Variants in MGAT4A observed in about 807,000 individuals in gnomAD.
The protein encoded by MGAT4A is alpha-1,3-mannosyl-glycoprotein 4-beta-N-acetylglucosaminyltransferase A, also known as N-acetylglucosaminyltransferase IVa.
Under a neutral mutation model 74.1 loss-of-function variants are expected in MGAT4A, and 33 were observed. The observed-to-expected ratio is 0.45, with a 90% CI of 0.34 to 0.60. The LOEUF is 0.60. Among genes scored for constraint, MGAT4A ranks in the 20% least tolerant of loss-of-function variants. MGAT4A has a pLI of 0.02. For synonymous variants in MGAT4A, 198 were observed against 210.4 expected (o/e 0.94, Z 0.51); for missense variants, 479 against 628.3 (o/e 0.76, Z 2.54).
chr2:98,643,986 T>C lies in MGAT4A; in HGVS notation c.957A>G (p.Lys319=). 1 of 1,601,790 alleles carries C rather than the reference T, an allele frequency of 6.2e-7. No homozygotes were observed. The highest frequency in any genetic ancestry group is 8.5e-7 in the Non-Finnish European group (1 of 1,171,566). ...VEFIFMFYKE[K]PIDWLLDHIL... ...TATGGTCCAGGAGCCAATCAATGGGTTTCTCCTTGTAAAACATGAATATGA... is the reference window on the plus strand; with the variant it reads ...TATGGTCCAGGAGCCAATCAATGGGCTTCTCCTTGTAAAACATGAATATGA... Residue 319 remains lysine, a synonymous_variant, in exon 10 of 16, where the codon AAA becomes AAG. Coordinates refer to ENST00000393487, the MANE Select transcript of MGAT4A (RefSeq NM_012214.3).
At chr2:98,628,637 G>A (rs572956298) in intron 14 of MGAT4A, among the ~76,000 whole-genome samples, 61 of 152,252 alleles carry the variant, frequency 4.0e-4, no homozygotes, top group South Asian at 1.7e-3. Context: ...GCCTAATAAC[G>A]TACAGCTCTC....
intron 2 of MGAT4A, among the ~76,000 whole-genome samples, chr2:98,716,707 G>C (rs1019834194): frequency 1.3e-5 from 2 of 152,130 alleles, no homozygotes; most frequent in African/African-American, 4.8e-5. Context: ...GCTATCCATG[G>C]GGGATAGGTT....
In MGAT4A at chr2:98,622,265, C is replaced by T; in HGVS notation, c.*3301G>A. The T allele has an allele frequency of 1.0e-6, 1 of 985,416 alleles. No individual in the cohort carries two copies. The highest frequency in any genetic ancestry group is 1.2e-6 in the Non-Finnish European group (1 of 829,930). The allele number at this position is 985,416 out of a possible 1,614,324, so 61.0% of individuals were successfully genotyped here. ...GCACTCTGGACACAGTACTGTTCAA[C>T]AGAGCTTTCTGCAGTGATGGAAAAG... On this transcript the variant is annotated 3_prime_UTR_variant, in exon 16 of 16. Transcript: ENST00000393487.
At chr2:98,723,884 A>C (rs570032844) in intron 2 of MGAT4A, among the ~76,000 whole-genome samples, 1 of 152,348 alleles carries the variant, frequency 6.6e-6, no homozygotes, top group African/African-American at 2.4e-5. Context: ...GCCTGAATTC[A>C]AACTTTAACT....
chr2:98,720,254 A>G (rs1559176938), intron 2 of MGAT4A, among the ~76,000 whole-genome samples: 1 of 152,216 alleles, frequency 6.6e-6, no homozygotes, highest in African/African-American at 2.4e-5. Flanking sequence ...GTATTTCTAG[A>G]TGAGATTAGT....
intron 2 of MGAT4A, among the ~76,000 whole-genome samples, chr2:98,686,531 T>G (rs938059887): frequency 1.3e-5 from 2 of 151,700 alleles, no homozygotes; most frequent in Non-Finnish European, 2.9e-5. Flanking sequence ...TAACACAGGT[T>G]TTTTTTTGGT....
At chr2:98,640,266 A>G (rs756698901) in intron 10 of MGAT4A, 38 bp from the exon 11 acceptor site, 1 of 1,522,270 alleles carries the variant, frequency 6.6e-7, no homozygotes, top group Non-Finnish European at 9.0e-7. Context: ...GTTGCATCAT[A>G]AAGTGAAATC....
rs151005506 is a variant in MGAT4A, at chr2:98,673,549, T to C, written c.403+1486A>G. 1.4e-3 allele frequency among the ~76,000 whole-genome samples: 214 copies of C among 152,224 alleles called. 1 individual carries two copies. Among genetic ancestry groups the C allele is most frequent in the African/African-American group, 4.9e-3 (202 of 41,538 alleles). The stretch of plus-strand genomic sequence containing the variant: ...AGCTGTTTTTTCTACCTTTCAAAAA[T>C]AGTAGCAGCTTTATAAGAATGTTAA... On this transcript the variant is annotated intron_variant, in intron 4 of 15. Transcript: ENST00000393487.
intron 4 of MGAT4A, among the ~76,000 whole-genome samples, chr2:98,670,928 A>T (rs577984888): frequency 6.6e-6 from 1 of 152,302 alleles, no homozygotes; most frequent in African/African-American, 2.4e-5. Context: ...TGCCTACTCC[A>T]ACATCTCCAC....
At position 98,621,513 on chromosome 2, in the gene MGAT4A, A is replaced by C; in HGVS notation, c.*4053T>G. 1 of 1,551,650 alleles carries C rather than the reference A, an allele frequency of 6.4e-7. No individual in the cohort carries two copies. The highest frequency in any genetic ancestry group is 1.2e-5 in the South Asian group (1 of 84,046). On this transcript the variant is annotated 3_prime_UTR_variant, in exon 16 of 16. Coordinates refer to ENST00000393487, the MANE Select transcript of MGAT4A (RefSeq NM_012214.3). ...GCCCGAGAAAACTCTCTGCTTTTAAAGGAGTCACAAGATTTGATTAGCCAC... is the reference window on the plus strand; with the variant it reads ...GCCCGAGAAAACTCTCTGCTTTTAACGGAGTCACAAGATTTGATTAGCCAC...
At position 98,621,253 on chromosome 2, in the gene MGAT4A, G is replaced by C; in HGVS notation, c.*4313C>G. 1.1e-6 allele frequency: 1 copy of C among 950,570 alleles called. No individual in the cohort carries two copies. Among genetic ancestry groups the C allele is most frequent in the Non-Finnish European group, 1.5e-6 (1 of 679,274 alleles). The allele number at this position is 950,570 out of a possible 1,614,324, so 58.9% of individuals were successfully genotyped here. ...AGGCTGGATTCAAAGTGTTGGCCAG[G>C]CTGGGTCTTATCTGGAGACTGGAGA... is the stretch of plus-strand genomic sequence containing the variant. On this transcript the variant is annotated 3_prime_UTR_variant, in exon 16 of 16. Coordinates refer to ENST00000393487, the MANE Select transcript of MGAT4A (RefSeq NM_012214.3).
chr2:98,679,214 G>A (rs1347138575), intron 2 of MGAT4A, among the ~76,000 whole-genome samples: 1 of 151,878 alleles, frequency 6.6e-6, no homozygotes, highest in African/African-American at 2.4e-5. Flanking sequence ...AGACCATCCT[G>A]GCTAACACGG....
At position 98,640,238 on chromosome 2, in the gene MGAT4A, A is replaced by T. The variant is rs199634220; in HGVS notation, c.1021-10T>A. ...GTCTATCACAATGTTTCTAAATATT[A>T]AAAAAAATCACGTTAGTGTTGCATC... On this transcript the variant is annotated splice_polypyrimidine_tract_variant and intron_variant, in intron 10 of 15. Coordinates refer to ENST00000393487, the MANE Select transcript of MGAT4A (RefSeq NM_012214.3). The T allele has an allele frequency of 1.0e-5, 16 of 1,587,086 alleles. No homozygotes were observed. The highest frequency in any genetic ancestry group is 9.1e-5 in the South Asian group (8 of 87,934).
intron 1 of MGAT4A, among the ~76,000 whole-genome samples, chr2:98,729,348 G>T (rs1702810666): frequency 6.6e-6 from 1 of 152,176 alleles, no homozygotes. Context: ...CACGGCACAA[G>T]TGAAGAAACT....
intron 2 of MGAT4A, among the ~76,000 whole-genome samples, chr2:98,700,845 C>T (rs1180536065): frequency 1.3e-5 from 2 of 150,090 alleles, no homozygotes; most frequent in Non-Finnish European, 3.0e-5. Context: ...GAGCCGAGAT[C>T]GCGCCACTAC....
chr2:98,722,547 G>A (rs1469151586), intron 2 of MGAT4A, among the ~76,000 whole-genome samples: 1 of 152,160 alleles, frequency 6.6e-6, no homozygotes, highest in African/African-American at 2.4e-5. Flanking sequence ...GAGGGAGGTA[G>A]GGATTAGGAC....
At position 98,621,422 on chromosome 2, in the gene MGAT4A, C is replaced by A. The variant is rs1389436258; in HGVS notation, c.*4144G>T. ...CATGTGCATTCCTTCTCATGCAGCC[C>A]CCTCTACCTTAAAACAGCAATGGTG... On this transcript the variant is annotated 3_prime_UTR_variant, in exon 16 of 16. Transcript: ENST00000393487. 2 of 1,551,452 alleles carry A rather than the reference C, an allele frequency of 1.3e-6. No homozygotes were observed. Among genetic ancestry groups the A allele is most frequent in the Admixed American group, 2.0e-5 (1 of 50,982 alleles).
intron 5 of MGAT4A, among the ~76,000 whole-genome samples, chr2:98,662,129 A>T (rs1054518762): frequency 1.3e-5 from 2 of 152,200 alleles, no homozygotes; most frequent in Admixed American, 6.5e-5. Context: ...AGGAAACTCA[A>T]ATAAAGTCTG....
At chr2:98,692,756 C>T (rs747039861) in intron 2 of MGAT4A, among the ~76,000 whole-genome samples, 17 of 152,240 alleles carry the variant, frequency 1.1e-4, no homozygotes, top group East Asian at 9.6e-4. Context: ...AGGAGCAGTA[C>T]GTAGGTGTGT....
Sources: gnomAD v4.1 joint callset for allele counts (sites outside exome capture counted in the v4.1 genomes callset) on GRCh38, gnomAD v4.1.1 for gene constraint, MANE v1.5 for transcripts, NCBI Gene and HGNC (gene_info 2026-07-23, HGNC 2026-07-21) for gene names.